ZSWIM6: variants seen among roughly 807,000 people sequenced by gnomAD.
ZSWIM6 encodes the protein zinc finger SWIM domain-containing protein 6.
A neutral mutation model predicts 113.2 loss-of-function variants in ZSWIM6; 9 were observed. The ratio of observed to expected loss-of-function variants is 0.08; its 90% CI spans 0.05 to 0.14. ZSWIM6 has a LOEUF of 0.14. Among genes scored for constraint, ZSWIM6 ranks in the 10% least tolerant of loss-of-function variants. The pLI is 1.00. For missense variants in ZSWIM6, 1,162 were observed against 1,552.2 expected (o/e 0.75, Z 4.22); for synonymous variants, 611 against 606.5 (o/e 1.01, Z -0.11).
chr5:61,525,983 G>GACCAA lies in ZSWIM6; in HGVS notation c.1690+11_1690+15dup, dbSNP rs1401698314. 6.4e-7 allele frequency: 1 copy of GACCAA among 1,551,744 alleles called. No individual in the cohort carries two copies. The highest frequency in any genetic ancestry group is 8.7e-7 in the Non-Finnish European group (1 of 1,146,914). On this transcript the variant is annotated splice_region_variant and intron_variant, in intron 6 of 13. Coordinates refer to ENST00000252744, the MANE Select transcript of ZSWIM6 (RefSeq NM_020928.2). Reference sequence around the variant, plus strand: ...GGGTGGCCCCTCTGGCATGGTAAGTGACCAAACCGGAAAGACATTTCCATG... The same window carrying GACCAA: ...GGGTGGCCCCTCTGGCATGGTAAGTGACCAAACCAAACCGGAAAGACATTTCCATG...
intron 1 of ZSWIM6, among the ~76,000 whole-genome samples, chr5:61,366,521 C>G (rs1031064771): frequency 3.9e-5 from 6 of 152,218 alleles, no homozygotes; most frequent in Non-Finnish European, 8.8e-5. Context: ...ATTGGAAAGA[C>G]CCAGAATCTT....
intron 10 of ZSWIM6, among the ~76,000 whole-genome samples, chr5:61,536,062 C>CAT: frequency 6.6e-6 from 1 of 152,300 alleles, no homozygotes; most frequent in East Asian, 1.9e-4. Flanking sequence ...AAAGCAACTC[C>CAT]CTGTATTGCC....
At chr5:61,511,337 C>A (rs1748780921) in intron 4 of ZSWIM6, among the ~76,000 whole-genome samples, 1 of 151,982 alleles carries the variant, frequency 6.6e-6, no homozygotes, top group South Asian at 2.1e-4. Flanking sequence ...TTATGGAGTT[C>A]TTTTTTCTTC....
At chr5:61,413,141 T>C (rs1210474445) in intron 1 of ZSWIM6, among the ~76,000 whole-genome samples, 3 of 151,038 alleles carry the variant, frequency 2.0e-5, no homozygotes, top group Non-Finnish European at 4.4e-5. Context: ...CATTTAGCAT[T>C]AGGTATATCT....
At chr5:61,442,878 G>A (rs1746869988) in intron 1 of ZSWIM6, among the ~76,000 whole-genome samples, 1 of 152,096 alleles carries the variant, frequency 6.6e-6, no homozygotes, top group South Asian at 2.1e-4. Flanking sequence ...ATTGTTTAAG[G>A]CTATAAAAAG....
chr5:61,333,894 G>T (rs1402668951), intron 1 of ZSWIM6, among the ~76,000 whole-genome samples: 1 of 152,098 alleles, frequency 6.6e-6, no homozygotes, highest in Non-Finnish European at 1.5e-5. Context: ...TTTGCCGCTC[G>T]CAGCCAAAGG....
intron 1 of ZSWIM6, among the ~76,000 whole-genome samples, chr5:61,460,720 G>A (rs977346478): frequency 2.0e-5 from 3 of 151,926 alleles, no homozygotes; most frequent in African/African-American, 7.3e-5. Flanking sequence ...ACAAAGTAGG[G>A]GATTAAGGAA....
intron 1 of ZSWIM6, among the ~76,000 whole-genome samples, chr5:61,411,740 T>C (rs772733573): frequency 8.5e-5 from 13 of 152,138 alleles, no homozygotes; most frequent in Non-Finnish European, 1.6e-4. Context: ...TGTCTTCATG[T>C]GGTAGAAGGA....
intron 6 of ZSWIM6, 119 bp from the exon 7 acceptor site, chr5:61,526,131 C>G: frequency 2.8e-6 from 4 of 1,427,502 alleles, no homozygotes; most frequent in Non-Finnish European, 3.7e-6. Context: ...AATCCAAGTT[C>G]AGGAATGGTT....
At chr5:61,473,608 C>T (rs1024273964) in intron 2 of ZSWIM6, among the ~76,000 whole-genome samples, 18 of 151,998 alleles carry the variant, frequency 1.2e-4, no homozygotes, top group African/African-American at 4.3e-4. Flanking sequence ...TTATTTTATG[C>T]AGTGCAAATA....
intron 2 of ZSWIM6, among the ~76,000 whole-genome samples, chr5:61,477,395 G>T (rs1469289326): frequency 3.3e-5 from 5 of 152,216 alleles, no homozygotes; most frequent in African/African-American, 1.2e-4. Flanking sequence ...TTGGATGAGG[G>T]TTGGCACATG....
At chr5:61,533,278 T>A (rs1240397943) in intron 9 of ZSWIM6, among the ~76,000 whole-genome samples, 1 of 152,220 alleles carries the variant, frequency 6.6e-6, no homozygotes, top group Non-Finnish European at 1.5e-5. Flanking sequence ...GCTAGAAGAT[T>A]GAGAACTCCA....
intron 1 of ZSWIM6, among the ~76,000 whole-genome samples, chr5:61,424,939 G>A (rs536271437): frequency 6.6e-6 from 1 of 152,148 alleles, no homozygotes; most frequent in East Asian, 1.9e-4. Context: ...TGTTGACCAG[G>A]CTGGTCTCGA....
chr5:61,378,713 G>A (rs1410059815), intron 1 of ZSWIM6, among the ~76,000 whole-genome samples: 3 of 151,968 alleles, frequency 2.0e-5, no homozygotes, highest in African/African-American at 4.8e-5. Flanking sequence ...GCGCCACCAC[G>A]CCTGGCTAAT....
At chr5:61,442,726 A>G (rs1210697239) in intron 1 of ZSWIM6, among the ~76,000 whole-genome samples, 3 of 152,236 alleles carry the variant, frequency 2.0e-5, no homozygotes, top group Non-Finnish European at 2.9e-5. Flanking sequence ...TGTGAAGGAA[A>G]ACAGTTTCTC....
intron 2 of ZSWIM6, among the ~76,000 whole-genome samples, chr5:61,488,353 C>G (rs1748079862): frequency 6.6e-6 from 1 of 151,766 alleles, no homozygotes; most frequent in African/African-American, 2.4e-5. Flanking sequence ...AGTTTTGGTA[C>G]CATGCTGACA....
At chr5:61,384,173 G>A (rs982699517) in intron 1 of ZSWIM6, among the ~76,000 whole-genome samples, 2 of 150,440 alleles carry the variant, frequency 1.3e-5, no homozygotes, top group African/African-American at 2.4e-5. Flanking sequence ...CCCGGGAAGC[G>A]GAGCTTGCAG....
At position 61,460,055 on chromosome 5, in the gene ZSWIM6, G is replaced by A. The variant is rs113202860; in HGVS notation, c.677-12626G>A. On this transcript the variant is annotated intron_variant, in intron 1 of 13. Coordinates refer to ENST00000252744, the MANE Select transcript of ZSWIM6 (RefSeq NM_020928.2). Reference sequence around the variant, plus strand: ...GCATTGGTGTATTTTCTTTTGTCTGGCATTATAAGAAGGTTGACTTTCAAC... The same window carrying A: ...GCATTGGTGTATTTTCTTTTGTCTGACATTATAAGAAGGTTGACTTTCAAC... Among the ~76,000 whole-genome samples, 119 of 152,218 alleles carry A rather than the reference G, an allele frequency of 7.8e-4. 2 individuals carry two copies. Among genetic ancestry groups the A allele is most frequent in the African/African-American group, 2.8e-3 (118 of 41,532 alleles).
intron 1 of ZSWIM6, among the ~76,000 whole-genome samples, chr5:61,427,427 C>A (rs181802562): frequency 3.3e-5 from 5 of 152,318 alleles, no homozygotes; most frequent in Middle Eastern, 3.4e-3. Flanking sequence ...GTACTCTGTA[C>A]ATGGCAAATT....
Sources: allele counts gnomAD v4.1 joint callset (sites outside exome capture counted in the v4.1 genomes callset), GRCh38; gene constraint gnomAD v4.1.1; transcripts MANE v1.5; gene names NCBI Gene and HGNC (gene_info 2026-07-23, HGNC 2026-07-21).